DCBLD2: variants seen among roughly 807,000 people sequenced by gnomAD.
DCBLD2 encodes discoidin, CUB and LCCL domain-containing protein 2.
In DCBLD2, 54 loss-of-function variants were observed where a neutral mutation model predicts 86.8. The ratio of observed to expected loss-of-function variants is 0.62; its 90% CI spans 0.50 to 0.78. The LOEUF (loss-of-function observed/expected upper bound fraction) is 0.78, where lower values mean the gene tolerates loss of function less well. DCBLD2 is among the 30% of genes least tolerant of loss of function. DCBLD2 has a pLI of 0.00. For missense variants in DCBLD2, 908 were observed against 954.2 expected (o/e 0.95, Z 0.64); for synonymous variants, 354 against 341.3 (o/e 1.04, Z -0.41).
chr3:98,879,417 T>C (rs1009234415), intron 2 of DCBLD2, among the ~76,000 whole-genome samples: 7 of 152,116 alleles, frequency 4.6e-5, no homozygotes, highest in Non-Finnish European at 1.0e-4. Flanking sequence ...GACGGAGTCT[T>C]GCTCTGTCAC....
chr3:98,819,507 T>A, intron 7 of DCBLD2, 90 bp from the exon 8 acceptor site: 2 of 1,290,894 alleles, frequency 1.5e-6, no homozygotes, highest in Non-Finnish European at 2.2e-6. Context: ...ATTCCATCTT[T>A]AATTAACATA....
At chr3:98,833,936 T>C (rs1156940269) in intron 3 of DCBLD2, among the ~76,000 whole-genome samples, 3 of 152,146 alleles carry the variant, frequency 2.0e-5, no homozygotes, top group Admixed American at 1.3e-4. Context: ...TGAGGAGATA[T>C]GGGAGTGGAG....
intron 3 of DCBLD2, among the ~76,000 whole-genome samples, chr3:98,830,118 T>C (rs1942294382): frequency 1.3e-5 from 2 of 152,222 alleles, no homozygotes; most frequent in African/African-American, 4.8e-5. Context: ...TTAAGTTCCT[T>C]ATTGATGTTG....
intron 1 of DCBLD2, among the ~76,000 whole-genome samples, chr3:98,882,583 T>C (rs1309715775): frequency 6.6e-6 from 1 of 152,154 alleles, no homozygotes; most frequent in Non-Finnish European, 1.5e-5. Flanking sequence ...CCTCCCAGCC[T>C]CTGACAGGCC....
intron 1 of DCBLD2, among the ~76,000 whole-genome samples, chr3:98,894,169 G>A (rs1219596150): frequency 6.6e-6 from 1 of 152,156 alleles, no homozygotes. Flanking sequence ...GAAAGAGGAA[G>A]CACCTGAGGC....
chr3:98,894,312 T>A (rs963876817), intron 1 of DCBLD2, among the ~76,000 whole-genome samples: 2 of 152,014 alleles, frequency 1.3e-5, no homozygotes, highest in African/African-American at 4.8e-5. Context: ...ACCTGAATGC[T>A]CCCCAGCAAC....
At chr3:98,863,556 C>T (rs1329066764) in intron 2 of DCBLD2, among the ~76,000 whole-genome samples, 2 of 152,136 alleles carry the variant, frequency 1.3e-5, no homozygotes, top group African/African-American at 2.4e-5. Context: ...AGAAATAATA[C>T]CATACATTTA....
At chr3:98,861,024 A>T (rs539199920) in intron 2 of DCBLD2, among the ~76,000 whole-genome samples, 1 of 152,248 alleles carries the variant, frequency 6.6e-6, no homozygotes, top group Non-Finnish European at 1.5e-5. Context: ...AAGGAGATGG[A>T]GGAAGATCTA....
intron 2 of DCBLD2, among the ~76,000 whole-genome samples, chr3:98,863,076 AACAG>A (rs1230315295): frequency 3.3e-5 from 5 of 152,220 alleles, no homozygotes; most frequent in Admixed American, 1.3e-4. Flanking sequence ...ATATACCAAT[AACAG>A]ACAAACAGAG....
At chr3:98,849,634 C>A (rs369930598) in intron 2 of DCBLD2, 36 bp from the exon 3 acceptor site, 10 of 1,594,724 alleles carry the variant, frequency 6.3e-6, no homozygotes, top group Non-Finnish European at 8.6e-6. Context: ...TTTGGGATGA[C>A]TCTCATGAAG....
intron 2 of DCBLD2, among the ~76,000 whole-genome samples, chr3:98,864,250 T>C (rs930971158): frequency 6.6e-6 from 1 of 152,232 alleles, no homozygotes; most frequent in African/African-American, 2.4e-5. Flanking sequence ...TTTTAAATTG[T>C]TGGTGGGACT....
At chr3:98,872,213 T>C (rs1349838741) in intron 2 of DCBLD2, among the ~76,000 whole-genome samples, 1 of 152,174 alleles carries the variant, frequency 6.6e-6, no homozygotes, top group Admixed American at 6.5e-5. Context: ...CATGACAGTA[T>C]TGGAAAGTGG....
chr3:98,846,776 T>C (rs1942732669), intron 3 of DCBLD2, among the ~76,000 whole-genome samples: 1 of 152,192 alleles, frequency 6.6e-6, no homozygotes, highest in Non-Finnish European at 1.5e-5. Context: ...CTGATTCTTT[T>C]ATCTGAGGTC....
chr3:98,886,841 A>G (rs1943573333), intron 1 of DCBLD2, among the ~76,000 whole-genome samples: 1 of 141,176 alleles, frequency 7.1e-6, no homozygotes, highest in Non-Finnish European at 1.5e-5. Context: ...TTATCCCTAG[A>G]AAAAAGAGAA....
At chr3:98,880,770 G>A (rs1385658171) in intron 2 of DCBLD2, among the ~76,000 whole-genome samples, 1 of 152,112 alleles carries the variant, frequency 6.6e-6, no homozygotes, top group Non-Finnish European at 1.5e-5. Context: ...AGAAAAAATG[G>A]AGAGGTCAGG....
At chr3:98,871,191 T>A (rs1486573473) in intron 2 of DCBLD2, among the ~76,000 whole-genome samples, 1 of 151,916 alleles carries the variant, frequency 6.6e-6, no homozygotes, top group Non-Finnish European at 1.5e-5. Flanking sequence ...TTTGGAGGAG[T>A]CTTTAGAATT....
chr3:98,899,031 G>A (rs1324840454), intron 1 of DCBLD2, among the ~76,000 whole-genome samples: 1 of 150,688 alleles, frequency 6.6e-6, no homozygotes, highest in East Asian at 1.9e-4. Flanking sequence ...GGTACAAAGA[G>A]ATTAAATATT....
chr3:98,819,328 C>T lies in DCBLD2; in HGVS notation c.961G>A (p.Gly321Arg). Residue 321 changes from glycine (G) to arginine (R), a missense_variant, in exon 8 of 16, where the codon GGG becomes AGG. Gly to Arg is a moderately radical substitution (Grantham distance 125). This residue lies in a region of DCBLD2 where 606 missense variants were observed against 678.5 expected (regional missense o/e 0.89). Transcript: ENST00000326840. Reference protein sequence around the residue: ...SSVLEWTDHTGQENSWKPKKA... With the variant: ...SSVLEWTDHTRQENSWKPKKA... ...TTGGGTTTCCAACTGTTCTCTTGCC[C>T]TGTGTGGTCAGTCCACTCCAGCACA... 1.2e-6 allele frequency: 2 copies of T among 1,613,834 alleles called. No homozygotes were observed. Among genetic ancestry groups the T allele is most frequent in the Non-Finnish European group, 1.7e-6 (2 of 1,179,804 alleles).
intron 3 of DCBLD2, among the ~76,000 whole-genome samples, chr3:98,835,547 T>C (rs1384149045): frequency 9.2e-5 from 14 of 151,440 alleles, no homozygotes; most frequent in Admixed American, 2.0e-4. Context: ...GCTATTTTTT[T>C]TTCTTCTTTT....
Sources: gnomAD v4.1 joint callset for allele counts (sites outside exome capture counted in the v4.1 genomes callset) on GRCh38, gnomAD v4.1.1 for gene constraint, gnomAD v4.1.1 regional missense constraint, MANE v1.5 for transcripts, NCBI Gene and HGNC (gene_info 2026-07-23, HGNC 2026-07-21) for gene names.